The following PSMD14 variants were observed in gnomAD, a reference collection of about 807,000 sequenced individuals.
PSMD14 encodes the protein proteasome 26S subunit, non-ATPase 14.
PSMD14 carries 7 observed loss-of-function variants against 41.2 expected under a neutral mutation model. The observed-to-expected ratio is 0.17, with a 90% CI of 0.10 to 0.32. The LOEUF (loss-of-function observed/expected upper bound fraction) is 0.32, where lower values mean the gene tolerates loss of function less well. Among genes scored for constraint, PSMD14 ranks in the 10% least tolerant of loss-of-function variants. The probability of loss-of-function intolerance (pLI) is 1.00; values close to 1 mark genes in which losing one functional copy is unlikely to be tolerated. For synonymous variants in PSMD14, 114 were observed against 122.3 expected (o/e 0.93, Z 0.45); for missense variants, 139 against 375.6 (o/e 0.37, Z 5.21).
At position 161,317,010 on chromosome 2, in the gene PSMD14, T is replaced by C. The variant is rs531416070; in HGVS notation, c.-5+441T>C. ...TATATATTCTAATGTATACTGTATGTTGTTTGTTTTTTCTGTTGGTTCTTT... is the reference window on the plus strand; with the variant it reads ...TATATATTCTAATGTATACTGTATGCTGTTTGTTTTTTCTGTTGGTTCTTT... On this transcript the variant is annotated intron_variant, in intron 2 of 11. Transcript: ENST00000409682. Among the ~76,000 whole-genome samples, 13 of 152,242 alleles carry C rather than the reference T, an allele frequency of 8.5e-5. No homozygotes were observed. The South Asian group carries it at 2.7e-3, about 32-fold the overall frequency.
chr2:161,348,091 A>G (rs1295998127), intron 3 of PSMD14, among the ~76,000 whole-genome samples: 1 of 152,234 alleles, frequency 6.6e-6, no homozygotes, highest in Admixed American at 6.5e-5. Flanking sequence ...GTGAGAGTAT[A>G]CAACCCTCTT....
intron 10 of PSMD14, among the ~76,000 whole-genome samples, chr2:161,405,544 A>G (rs941324611): frequency 2.0e-5 from 3 of 152,224 alleles, no homozygotes; most frequent in African/African-American, 7.2e-5. Context: ...CAGTAAATTA[A>G]TATTTGTAAA....
At chr2:161,333,181 T>G (rs1465000246) in intron 3 of PSMD14, among the ~76,000 whole-genome samples, 1 of 152,260 alleles carries the variant, frequency 6.6e-6, no homozygotes, top group Non-Finnish European at 1.5e-5. Flanking sequence ...TTGTATGTCT[T>G]TCCTTACTGT....
At chr2:161,388,537 CTT>C (rs1220170838) in intron 8 of PSMD14, among the ~76,000 whole-genome samples, 1 of 152,058 alleles carries the variant, frequency 6.6e-6, no homozygotes, top group Admixed American at 6.6e-5. Context: ...CTCCCTTCCT[CTT>C]TTGCCTTCTG....
intron 3 of PSMD14, among the ~76,000 whole-genome samples, chr2:161,354,851 C>T (rs1683173324): frequency 6.6e-6 from 1 of 152,124 alleles, no homozygotes; most frequent in African/African-American, 2.4e-5. Context: ...GTCATTTCCC[C>T]CTCTCCCCTG....
intron 3 of PSMD14, among the ~76,000 whole-genome samples, chr2:161,365,785 AT>A (rs1318612540): frequency 6.6e-6 from 1 of 152,126 alleles, no homozygotes; most frequent in Non-Finnish European, 1.5e-5. Flanking sequence ...AATATTTATC[AT>A]TTCTTTGTGC....
At chr2:161,355,585 C>T (rs1313833349) in intron 3 of PSMD14, among the ~76,000 whole-genome samples, 1 of 151,880 alleles carries the variant, frequency 6.6e-6, no homozygotes, top group Non-Finnish European at 1.5e-5. Context: ...AGAATTAATG[C>T]ACCATCTGGA....
chr2:161,310,500 T>G (rs1408404568), intron 1 of PSMD14, among the ~76,000 whole-genome samples: 1 of 152,218 alleles, frequency 6.6e-6, no homozygotes, highest in Non-Finnish European at 1.5e-5. Context: ...TTTTGACATT[T>G]CGTATTCTGC....
chr2:161,376,762 C>A (rs1269634039), intron 7 of PSMD14, among the ~76,000 whole-genome samples: 1 of 151,908 alleles, frequency 6.6e-6, no homozygotes, highest in South Asian at 2.1e-4. Flanking sequence ...GTGTTGTCTT[C>A]CCCACAAGAC....
chr2:161,383,859 T>G (rs1352661390), intron 7 of PSMD14: 1 of 151,672 alleles, frequency 6.6e-6, no homozygotes. Flanking sequence ...TTTTATGTTC[T>G]TTTTTAGTAT....
intron 3 of PSMD14, among the ~76,000 whole-genome samples, chr2:161,357,801 C>T (rs1362827389): frequency 6.6e-6 from 1 of 151,852 alleles, no homozygotes; most frequent in African/African-American, 2.4e-5. Context: ...TTAAGTACCT[C>T]TTTAGTTATA....
intron 1 of PSMD14, among the ~76,000 whole-genome samples, chr2:161,310,032 G>A (rs1689070316): frequency 6.6e-6 from 1 of 152,112 alleles, no homozygotes; most frequent in Admixed American, 6.6e-5. Flanking sequence ...ATGGTGGCAC[G>A]TGCCTGTATT....
intron 3 of PSMD14, among the ~76,000 whole-genome samples, chr2:161,366,641 A>C (rs1683362855): frequency 6.6e-6 from 1 of 152,146 alleles, no homozygotes; most frequent in Non-Finnish European, 1.5e-5. Flanking sequence ...AATTTCCCAG[A>C]TTGTCCAATA....
intron 3 of PSMD14, among the ~76,000 whole-genome samples, chr2:161,333,183 C>T (rs1422484318): frequency 6.6e-6 from 1 of 152,148 alleles, no homozygotes; most frequent in African/African-American, 2.4e-5. Context: ...GTATGTCTTT[C>T]CTTACTGTTC....
At chr2:161,326,186 AC>A (rs1398582409) in intron 3 of PSMD14, among the ~76,000 whole-genome samples, 1 of 152,070 alleles carries the variant, frequency 6.6e-6, no homozygotes, top group African/African-American at 2.4e-5. Context: ...GCCCACCACC[AC>A]GCCCGGCTAA....
chr2:161,377,641 T>C (rs1183350811), intron 7 of PSMD14, among the ~76,000 whole-genome samples: 1 of 151,972 alleles, frequency 6.6e-6, no homozygotes, highest in Non-Finnish European at 1.5e-5. Flanking sequence ...AACCTAGAGC[T>C]TCTATATTAA....
intron 10 of PSMD14, 81 bp downstream of exon 10, chr2:161,395,284 A>C: frequency 8.1e-7 from 1 of 1,227,250 alleles, no homozygotes; most frequent in Middle Eastern, 1.9e-4. Context: ...TAAGTAATTA[A>C]AAATAGAGAA....
intron 3 of PSMD14, among the ~76,000 whole-genome samples, chr2:161,363,636 G>C (rs1043681608): frequency 2.0e-5 from 3 of 152,194 alleles, no homozygotes; most frequent in African/African-American, 7.2e-5. Flanking sequence ...AATGTATGTA[G>C]ATGGTCCACA....
At chr2:161,329,808 G>T (rs529845862) in intron 3 of PSMD14, among the ~76,000 whole-genome samples, 62 of 152,108 alleles carry the variant, frequency 4.1e-4, no homozygotes, top group African/African-American at 1.4e-3. Context: ...TTAAGAAAGG[G>T]GTCAGGTCAA....
Sources: allele counts gnomAD v4.1 joint callset (sites outside exome capture counted in the v4.1 genomes callset), GRCh38; gene constraint gnomAD v4.1.1; transcripts MANE v1.5; gene names NCBI Gene and HGNC (gene_info 2026-07-23, HGNC 2026-07-21).